The following SLC2A12 variants were observed in gnomAD, a reference collection of about 807,000 sequenced individuals.
SLC2A12 encodes solute carrier family 2, facilitated glucose transporter member 12.
A neutral mutation model predicts 41.8 loss-of-function variants in SLC2A12; 23 were observed. The ratio of observed to expected loss-of-function variants is 0.55; its 90% confidence interval spans 0.40 to 0.78. SLC2A12 has a LOEUF of 0.78. Ranked by LOEUF, SLC2A12 falls within the 30% of genes least tolerant of loss-of-function variation. The pLI, the probability that SLC2A12 is intolerant of heterozygous loss-of-function variation, is 0.00. For missense variants in SLC2A12, 654 were observed against 745.6 expected, an observed-to-expected ratio of 0.88 and a Z score of 1.43; for synonymous variants, 295 against 285.9, an observed-to-expected ratio of 1.03 and a Z score of -0.32.
chr6:134,032,434 A>ATT (rs1554208397), intron 1 of SLC2A12, among the ~76,000 whole-genome samples: 2 of 37,824 alleles, frequency 5.3e-5, no homozygotes, highest in African/African-American at 2.3e-4. Flanking sequence ...ATTTATATAT[A>ATT]TATATATATA....
intron 4 of SLC2A12, among the ~76,000 whole-genome samples, chr6:133,999,789 G>A (rs1021224747): frequency 7.2e-5 from 11 of 152,214 alleles, no homozygotes; most frequent in African/African-American, 2.7e-4. Context: ...GTTGTTTTCA[G>A]CTGCAACATT....
intron 2 of SLC2A12, among the ~76,000 whole-genome samples, chr6:134,017,628 G>A (rs1359428788): frequency 1.3e-5 from 2 of 151,990 alleles, no homozygotes; most frequent in East Asian, 1.9e-4. Flanking sequence ...CGAGGAGGGC[G>A]GATCACAAGG....
At chr6:134,018,802 A>T (rs1040921156) in intron 2 of SLC2A12, among the ~76,000 whole-genome samples, 5 of 150,592 alleles carry the variant, frequency 3.3e-5, no homozygotes, top group Non-Finnish European at 7.4e-5. Flanking sequence ...TGAAAATAAG[A>T]TGTGGATCTC....
At chr6:134,050,221 T>G (rs897888552) in intron 1 of SLC2A12, among the ~76,000 whole-genome samples, 1 of 152,208 alleles carries the variant, frequency 6.6e-6, no homozygotes, top group Admixed American at 6.5e-5. Context: ...GTATAATTGC[T>G]TTTGGGTGCC....
At chr6:134,042,111 TTC>T (rs1212424792) in intron 1 of SLC2A12, among the ~76,000 whole-genome samples, 1 of 152,226 alleles carries the variant, frequency 6.6e-6, no homozygotes, top group Admixed American at 6.5e-5. Context: ...CATAGCAACT[TTC>T]TCTCACTCTA....
At chr6:133,992,318 A>G (rs1582592840) in intron 4 of SLC2A12, among the ~76,000 whole-genome samples, 1 of 152,298 alleles carries the variant, frequency 6.6e-6, no homozygotes, top group South Asian at 2.1e-4. Context: ...TGGCAGGAGG[A>G]CAAGGTGGTC....
chr6:134,048,127 T>C (rs1371475376), intron 1 of SLC2A12, among the ~76,000 whole-genome samples: 1 of 152,226 alleles, frequency 6.6e-6, no homozygotes, highest in East Asian at 1.9e-4. Flanking sequence ...TGCCCAGTGC[T>C]CACAGTGGTG....
intron 2 of SLC2A12, among the ~76,000 whole-genome samples, chr6:134,021,185 T>C (rs764174597): frequency 2.0e-5 from 3 of 152,312 alleles, no homozygotes; most frequent in Admixed American, 1.3e-4. Flanking sequence ...GGCAGCCTAG[T>C]ATTTCTAGCT....
At chr6:134,034,378 C>T (rs573169055) in intron 1 of SLC2A12, among the ~76,000 whole-genome samples, 3 of 152,294 alleles carry the variant, frequency 2.0e-5, no homozygotes, top group African/African-American at 7.2e-5. Flanking sequence ...TCCCTTACTA[C>T]TCATATTTAG....
intron 1 of SLC2A12, among the ~76,000 whole-genome samples, chr6:134,046,628 G>T (rs980442363): frequency 6.6e-6 from 1 of 151,852 alleles, no homozygotes; most frequent in Non-Finnish European, 1.5e-5. Context: ...TGGTGAAACC[G>T]TCTCTACTAA....
At chr6:134,016,385 G>A (rs1032870862) in intron 2 of SLC2A12, among the ~76,000 whole-genome samples, 1 of 151,996 alleles carries the variant, frequency 6.6e-6, no homozygotes, top group African/African-American at 2.4e-5. Flanking sequence ...TTGCTAGGCT[G>A]GGGTGTTCCC....
chr6:134,037,884 G>A (rs1364987248), intron 1 of SLC2A12, among the ~76,000 whole-genome samples: 1 of 152,130 alleles, frequency 6.6e-6, no homozygotes, highest in Non-Finnish European at 1.5e-5. Flanking sequence ...CATGTCCCAG[G>A]GAGAGTTCTG....
chr6:134,001,534 A>G (rs1312941578), intron 4 of SLC2A12, among the ~76,000 whole-genome samples: 1 of 152,200 alleles, frequency 6.6e-6, no homozygotes, highest in Non-Finnish European at 1.5e-5. Flanking sequence ...ACAATGATGT[A>G]TTTTTGTTTT....
chr6:134,011,588 T>C (rs931106352), intron 2 of SLC2A12, among the ~76,000 whole-genome samples: 5 of 152,072 alleles, frequency 3.3e-5, no homozygotes, highest in Non-Finnish European at 5.9e-5. Flanking sequence ...AAAAATATGA[T>C]CTTAAATTGA....
intron 4 of SLC2A12, among the ~76,000 whole-genome samples, chr6:133,992,967 A>G (rs554672463): frequency 4.6e-5 from 7 of 152,266 alleles, no homozygotes; most frequent in African/African-American, 1.4e-4. Flanking sequence ...TTGTCCTCCA[A>G]CCACATCAGT....
chr6:134,029,980 T>C (rs1777179594), intron 1 of SLC2A12, among the ~76,000 whole-genome samples: 1 of 152,202 alleles, frequency 6.6e-6, no homozygotes, highest in Non-Finnish European at 1.5e-5. Flanking sequence ...TTGATGTTTT[T>C]GGTTTAGATC....
At chr6:134,003,397 A>C (rs372605070) in intron 3 of SLC2A12, among the ~76,000 whole-genome samples, 44 of 152,312 alleles carry the variant, frequency 2.9e-4, no homozygotes, top group African/African-American at 1.0e-3. Flanking sequence ...AGGCTGTCTC[A>C]TCAAATTGTC....
rs779682953 is a variant in SLC2A12, at chr6:133,991,313, AAG to A, written c.1701-7_1701-6del. 4 of 1,610,316 alleles carry A rather than the reference AAG, an allele frequency of 2.5e-6. No individual in the cohort carries two copies. Among genetic ancestry groups the A allele is most frequent in the Admixed American group, 3.4e-5 (2 of 59,162 alleles). On this transcript the variant is annotated splice_polypyrimidine_tract_variant and splice_region_variant and intron_variant, in intron 4 of 4. Transcript: ENST00000275230. ...ATGTTGTTTTTCACATAGTTCCTGA[AAG>A]AGAAAGAGGCACTAATGAAAATGTC... is the stretch of plus-strand genomic sequence containing the variant.
chr6:133,991,363 A>T (rs1776621704), intron 4 of SLC2A12, 55 bp from the exon 5 acceptor site: 1 of 1,576,648 alleles, frequency 6.3e-7, no homozygotes, highest in African/African-American at 1.4e-5. Flanking sequence ...CATGAAAAAA[A>T]TGTGTAGGCT....
Sources: allele counts gnomAD v4.1 joint callset (sites outside exome capture counted in the v4.1 genomes callset), GRCh38; gene constraint gnomAD v4.1.1; transcripts MANE v1.5; gene names NCBI Gene and HGNC (gene_info 2026-07-23, HGNC 2026-07-21).